Variants in FRRS1L observed in about 807,000 individuals in gnomAD.
FRRS1L encodes ferric chelate reductase 1 like.
Under a neutral mutation model 28.6 loss-of-function variants are expected in FRRS1L, and 22 were observed. That is an observed-to-expected ratio of 0.77 (90% confidence interval 0.55 to 1.10). The LOEUF (loss-of-function observed/expected upper bound fraction) is 1.10, where lower values mean the gene tolerates loss of function less well. Ranked by LOEUF, FRRS1L falls within the 50% of genes least tolerant of loss-of-function variation. The pLI is 0.00. For synonymous variants in FRRS1L, 158 were observed against 151.4 expected (o/e 1.04, Z -0.32); for missense variants, 380 against 386.9 (o/e 0.98, Z 0.15).
chr9:109,146,193 A>G (rs993319211), intron 3 of FRRS1L, among the ~76,000 whole-genome samples: 7 of 151,678 alleles, frequency 4.6e-5, no homozygotes, highest in Middle Eastern at 6.8e-3. Flanking sequence ...GCGAAACTCT[A>G]TCTCAACAAA....
chr9:109,155,972 G>T (rs534537158), intron 1 of FRRS1L, among the ~76,000 whole-genome samples: 1 of 151,932 alleles, frequency 6.6e-6, no homozygotes, highest in Admixed American at 6.6e-5. Context: ...AACTGTTGCA[G>T]AAAAAAAATG....
In FRRS1L at chr9:109,153,063, C is replaced by A. The variant is rs182881678; in HGVS notation, c.239-3343G>T. ...TAACATTTTCCTCTTATATTGCAAACTGTTGAAAAATAAAGAATTTGGCCT... is the reference window on the plus strand; with the variant it reads ...TAACATTTTCCTCTTATATTGCAAAATGTTGAAAAATAAAGAATTTGGCCT... On this transcript the variant is annotated intron_variant, in intron 1 of 4. Transcript: ENST00000561981. 1.1e-4 allele frequency among the ~76,000 whole-genome samples: 17 copies of A among 152,176 alleles called. No individual in the cohort carries two copies. The East Asian group carries it at 3.1e-3, about 28-fold the overall frequency.
At chr9:109,151,590 G>A in intron 1 of FRRS1L, 1 of 243,808 alleles carries the variant, frequency 4.1e-6, no homozygotes, top group Non-Finnish European at 8.1e-6. Context: ...CAAGCTCAGG[G>A]CTCCCACTGA....
intron 2 of FRRS1L, 91 bp from the exon 3 acceptor site, chr9:109,147,280 C>A: frequency 9.3e-7 from 1 of 1,077,514 alleles, no homozygotes; most frequent in Non-Finnish European, 1.4e-6. Flanking sequence ...GGATGCTAAG[C>A]AATATTATTA....
In FRRS1L at chr9:109,149,724, G is replaced by A. The variant is rs750308690; in HGVS notation, c.239-4C>T. 6.2e-6 allele frequency: 10 copies of A among 1,602,354 alleles called. No individual in the cohort carries two copies. The highest frequency in any genetic ancestry group is 7.7e-6 in the Non-Finnish European group (9 of 1,169,556). On this transcript the variant is annotated splice_polypyrimidine_tract_variant and splice_region_variant and intron_variant, in intron 1 of 4. Coordinates refer to ENST00000561981, the MANE Select transcript of FRRS1L (RefSeq NM_014334.4). ...GGAGCAGTAGGGAAGGGGTAACCTG[G>A]GCAGTGAGAATAAAGAAGGGTTAGA... is the stretch of plus-strand genomic sequence containing the variant.
At chr9:109,146,700 CAAGTCCAGATG>C (rs1453265277) in intron 3 of FRRS1L, among the ~76,000 whole-genome samples, 3 of 152,150 alleles carry the variant, frequency 2.0e-5, no homozygotes, top group Non-Finnish European at 4.4e-5. Flanking sequence ...GGACAGGCGT[CAAGTCCAGATG>C]AACCCCACCT....
intron 1 of FRRS1L, chr9:109,151,788 T>C (rs994075278): frequency 6.4e-6 from 1 of 155,268 alleles, no homozygotes; most frequent in Non-Finnish European, 1.4e-5. Flanking sequence ...TTCACTGCTA[T>C]AGACTGAGTC....
intron 4 of FRRS1L, chr9:109,139,628 A>G (rs1831155842): frequency 1.3e-5 from 2 of 152,210 alleles, no homozygotes; most frequent in South Asian, 4.1e-4. Context: ...AAATCCCACT[A>G]TTTTAGATTA....
Position 109,131,672 on chromosome 9 carries a change from C to T in FRRS1L, c.*5783G>A, listed in dbSNP as rs1013775570. The T allele has an allele frequency of 6.6e-6, 1 of 152,214 alleles. No individual in the cohort carries two copies. Among genetic ancestry groups the T allele is most frequent in the Non-Finnish European group, 1.5e-5 (1 of 68,046 alleles). The allele number at this position is 152,214 out of a possible 1,614,324, so 9.4% of individuals were successfully genotyped here. ...GTAGGAATGTATCAAATGTATATCACTTTCATATCATCGTAAGTTTGAAAA... is the reference window on the plus strand; with the variant it reads ...GTAGGAATGTATCAAATGTATATCATTTTCATATCATCGTAAGTTTGAAAA... On this transcript the variant is annotated 3_prime_UTR_variant, in exon 5 of 5. Transcript: ENST00000561981.
chr9:109,167,201 C>T lies in FRRS1L; in HGVS notation c.-63G>A, dbSNP rs530413587. ...GCAGCGGGGGCGCCGCGGGCGCGGGCCGGGACTGAGCCTCCGCCGAGGCCA... is the reference window on the plus strand; with the variant it reads ...GCAGCGGGGGCGCCGCGGGCGCGGGTCGGGACTGAGCCTCCGCCGAGGCCA... On this transcript the variant is annotated 5_prime_UTR_variant, in exon 1 of 5. Transcript: ENST00000561981. The T allele has an allele frequency of 5.7e-4, 718 of 1,255,274 alleles. No homozygotes were observed. In the African/African-American group the frequency reaches 0.01, roughly 18 times the overall value. 77.8% of individuals were successfully genotyped at this position (1,255,274 alleles called of 1,614,324 possible).
At chr9:109,140,819 G>A (rs1298784674) in intron 4 of FRRS1L, 1 of 154,518 alleles carries the variant, frequency 6.5e-6, no homozygotes, top group Non-Finnish European at 1.4e-5. Flanking sequence ...TTACAGGCAT[G>A]AGCCACCACG....
intron 4 of FRRS1L, chr9:109,139,847 T>G (rs971528395): frequency 2.0e-5 from 3 of 152,054 alleles, no homozygotes; most frequent in African/African-American, 7.2e-5. Context: ...TGGAAACGAA[T>G]TGAAGGAAAA....
At position 109,132,786 on chromosome 9, in the gene FRRS1L, T is replaced by C. The variant is rs890459709; in HGVS notation, c.*4669A>G. 1.3e-5 allele frequency: 2 copies of C among 152,204 alleles called. No homozygotes were observed. The highest frequency in any genetic ancestry group is 2.9e-5 in the Non-Finnish European group (2 of 68,042). The allele number at this position is 152,204 out of a possible 1,614,324, so 9.4% of individuals were successfully genotyped here. ...ACATTTGTGACATTTGAAAAGTACATGAAATTCAAAGTTCAGTGTCAATTA... is the reference window on the plus strand; with the variant it reads ...ACATTTGTGACATTTGAAAAGTACACGAAATTCAAAGTTCAGTGTCAATTA... On this transcript the variant is annotated 3_prime_UTR_variant, in exon 5 of 5. Coordinates refer to ENST00000561981, the MANE Select transcript of FRRS1L (RefSeq NM_014334.4).
chr9:109,139,358 T>C (rs1831153009), intron 4 of FRRS1L: 2 of 152,074 alleles, frequency 1.3e-5, no homozygotes, highest in Admixed American at 6.6e-5. Flanking sequence ...AGGACCAGAT[T>C]TGGAGAAGGC....
chr9:109,154,533 A>G (rs1326551695), intron 1 of FRRS1L, among the ~76,000 whole-genome samples: 1 of 152,258 alleles, frequency 6.6e-6, no homozygotes, highest in Non-Finnish European at 1.5e-5. Context: ...TTTTACATGC[A>G]TTAGACAATT....
intron 2 of FRRS1L, 105 bp downstream of exon 2, chr9:109,149,531 G>T: frequency 1.4e-6 from 1 of 731,268 alleles, no homozygotes; most frequent in South Asian, 1.8e-5. Flanking sequence ...GGTGATCAAG[G>T]AGCTCAGGCC....
intron 1 of FRRS1L, among the ~76,000 whole-genome samples, chr9:109,159,025 G>C (rs1831446531): frequency 6.6e-6 from 1 of 152,114 alleles, no homozygotes; most frequent in African/African-American, 2.4e-5. Context: ...GTGTGAAATG[G>C]TATCTCTTTA....
intron 4 of FRRS1L, chr9:109,139,385 G>C (rs1427888182): frequency 1.3e-5 from 2 of 152,232 alleles, no homozygotes; most frequent in Middle Eastern, 6.8e-3. Flanking sequence ...CTTTAGGCTA[G>C]TCTGCCATAT....
In FRRS1L at chr9:109,152,803, CAAAAAAAAAAAAAAAAAAA is replaced by C. The variant is rs59385693; in HGVS notation, c.239-3102_239-3084del. Among the ~76,000 whole-genome samples, 17 of 24,116 alleles carry C rather than the reference CAAAAAAAAAAAAAAAAAAA, an allele frequency of 7.0e-4. No individual in the cohort carries two copies. In the South Asian group the frequency reaches 0.02, roughly 29 times the overall value. The allele number at this position is 24,116 out of a possible 152,430, so 15.8% of individuals were successfully genotyped here. On this transcript the variant is annotated intron_variant, in intron 1 of 4. Transcript: ENST00000561981. The stretch of plus-strand genomic sequence containing the variant: ...TGGGTGACAGAGAGAGACTCCATCT[CAAAAAAAAAAAAAAAAAAA>C]AAAAAAAAAAAAAAAAAAGAACAAC...
Sources: gnomAD v4.1 joint callset for allele counts (sites outside exome capture counted in the v4.1 genomes callset) on GRCh38, gnomAD v4.1.1 for gene constraint, MANE v1.5 for transcripts, NCBI Gene and HGNC (gene_info 2026-07-23, HGNC 2026-07-21) for gene names.